Variants in ADD2 observed in about 807,000 individuals in gnomAD.
ADD2 encodes the protein adducin 2, also known as beta-adducin.
In ADD2, 23 loss-of-function variants were observed where a neutral mutation model predicts 83.0. The ratio of observed to expected loss-of-function variants is 0.28; its 90% CI spans 0.20 to 0.39. The LOEUF is 0.39. ADD2 is among the 10% of genes least tolerant of loss of function. The pLI is 1.00. For synonymous variants in ADD2, 375 were observed against 375.4 expected (o/e 1.00, Z 0.01); for missense variants, 758 against 944.9 (o/e 0.80, Z 2.59).
rs1553368463 is a variant in ADD2, at chr2:70,676,900, G to T, written c.1504-15C>A. ...TGTTCTCGAATCTGTGTGGAAAGGG[G>T]AGAGGAAGAGTGAGCTGGCTGTTCA... is the stretch of plus-strand genomic sequence containing the variant. On this transcript the variant is annotated splice_polypyrimidine_tract_variant and intron_variant, in intron 12 of 15. Transcript: ENST00000264436. The surrounding 1 kb of genome is among the most constrained non-coding windows in gnomAD (Gnocchi z 4.8). The T allele has an allele frequency of 1.2e-6, 2 of 1,609,276 alleles. No homozygotes were observed. Among genetic ancestry groups the T allele is most frequent in the East Asian group, 2.2e-5 (1 of 44,748 alleles).
At chr2:70,728,720 A>G (rs1574296609) in intron 1 of ADD2, among the ~76,000 whole-genome samples, 1 of 152,180 alleles carries the variant, frequency 6.6e-6, no homozygotes, top group Non-Finnish European at 1.5e-5. Context: ...TGACGTCTGT[A>G]CCTTTGGGTC....
chr2:70,728,208 C>T (rs1355419457), intron 1 of ADD2, among the ~76,000 whole-genome samples: 1 of 152,216 alleles, frequency 6.6e-6, no homozygotes, highest in Non-Finnish European at 1.5e-5. Flanking sequence ...CACTGCAGTG[C>T]TCTCTGTCTG....
At chr2:70,730,710 C>A (rs1313505523) in intron 1 of ADD2, among the ~76,000 whole-genome samples, 1 of 152,180 alleles carries the variant, frequency 6.6e-6, no homozygotes, top group Non-Finnish European at 1.5e-5. Context: ...ATGATTTGGT[C>A]AATGACAGAC....
rs1553374644 is a variant in ADD2, at chr2:70,706,954, A to G, written c.-34-512T>C. 6.6e-6 allele frequency among the ~76,000 whole-genome samples: 1 copy of G among 152,186 alleles called. No homozygotes were observed. Among genetic ancestry groups the G allele is most frequent in the Non-Finnish European group, 1.5e-5 (1 of 68,034 alleles). ...AAACCACCATGGCACACATTTACCT[A>G]TGTAACAAACCTGCACATCCTGCAC... is the stretch of plus-strand genomic sequence containing the variant. On this transcript the variant is annotated intron_variant, in intron 2 of 15. Coordinates refer to ENST00000264436, the MANE Select transcript of ADD2 (RefSeq NM_001617.4). This position sits in a 1 kb window ranked among gnomAD's most constrained non-coding sequence, Gnocchi z 5.0.
intron 1 of ADD2, among the ~76,000 whole-genome samples, chr2:70,731,594 G>A (rs1191210798): frequency 2.0e-5 from 3 of 152,158 alleles, no homozygotes; most frequent in Admixed American, 6.5e-5. Flanking sequence ...AGCAGGAATT[G>A]GTTCGGTGCA....
At position 70,676,525 on chromosome 2, in the gene ADD2, G is replaced by A. The variant is rs1040664433; in HGVS notation, c.1593+271C>T. ...AGGACAGAGTGGAGTTCCATGGCAG[G>A]AGGTACGGAAGCCGGCCGCATCACT... On this transcript the variant is annotated intron_variant, in intron 13 of 15. Transcript: ENST00000264436. This position sits in a 1 kb window ranked among gnomAD's most constrained non-coding sequence, Gnocchi z 4.8. 75 of 1,384,170 alleles carry A rather than the reference G, an allele frequency of 5.4e-5. No homozygotes were observed. The highest frequency in any genetic ancestry group is 1.2e-4 in the Admixed American group (4 of 32,608). 85.7% of individuals were successfully genotyped at this position (1,384,170 alleles called of 1,614,324 possible). A position where few individuals can be genotyped will look rare whatever the true frequency, so the allele number is the denominator to read the frequency against.
chr2:70,745,185 C>G (rs1553381789), intron 1 of ADD2, among the ~76,000 whole-genome samples: 2 of 152,048 alleles, frequency 1.3e-5, no homozygotes, highest in Non-Finnish European at 2.9e-5. Context: ...ACTCGGGAAG[C>G]TGAGGCAGGA....
At chr2:70,733,750 A>G (rs934521932) in intron 1 of ADD2, among the ~76,000 whole-genome samples, 1 of 152,226 alleles carries the variant, frequency 6.6e-6, no homozygotes, top group Non-Finnish European at 1.5e-5. Context: ...TGGATTCCCA[A>G]TTTACAGATT....
At chr2:70,760,633 CA>C (rs1243669724) in intron 1 of ADD2, 2 of 152,106 alleles carry the variant, frequency 1.3e-5, no homozygotes, top group African/African-American at 2.4e-5. Context: ...TTGTTACCTC[CA>C]GGGGGAAGCA....
intron 1 of ADD2, among the ~76,000 whole-genome samples, chr2:70,715,547 C>A (rs1459016742): frequency 3.3e-5 from 5 of 152,164 alleles, no homozygotes; most frequent in African/African-American, 7.2e-5. Context: ...GAGCCACCTG[C>A]CCCCTGCTCT....
At chr2:70,704,263 T>TGCCCCCCCCCCCCCAC in intron 4 of ADD2, 58 bp downstream of exon 4, 1 of 913,238 alleles carries the variant, frequency 1.1e-6, no homozygotes, top group Non-Finnish European at 1.7e-6. Flanking sequence ...CTCCCTCTCT[T>TGCCCCCCCCCCCCCAC]CCCCACCCCA....
At chr2:70,704,143 A>T (rs993812541) in intron 4 of ADD2, among the ~76,000 whole-genome samples, 178 bp downstream of exon 4, 7 of 152,142 alleles carry the variant, frequency 4.6e-5, no homozygotes, top group African/African-American at 1.7e-4. Context: ...TTGCAGCAAC[A>T]TCAGAAGCAG....
intron 13 of ADD2, chr2:70,675,779 G>C: frequency 1.0e-6 from 1 of 985,438 alleles, no homozygotes; most frequent in Non-Finnish European, 1.2e-6. Flanking sequence ...AGTCAACCGA[G>C]AATCCAAGAC....
rs1286953640 is a variant in ADD2 at position 70,676,093 on chromosome 2, A to C, written c.1593+703T>G. ...ATCACAATTTGCCCTGCAGAGAGGA[A>C]CATTTCCTGTATTTCCCCAATTTTT... On this transcript the variant is annotated intron_variant, in intron 13 of 15. Coordinates refer to ENST00000264436, the MANE Select transcript of ADD2 (RefSeq NM_001617.4). This position sits in a 1 kb window ranked among gnomAD's most constrained non-coding sequence, Gnocchi z 4.8. 2 of 985,310 alleles carry C rather than the reference A, an allele frequency of 2.0e-6. No individual in the cohort carries two copies. Among genetic ancestry groups the C allele is most frequent in the African/African-American group, 3.5e-5 (2 of 57,234 alleles). The allele number at this position is 985,310 out of a possible 1,614,324, so 61.0% of individuals were successfully genotyped here.
chr2:70,689,714 G>A (rs141765154), intron 8 of ADD2, among the ~76,000 whole-genome samples: 2 of 152,336 alleles, frequency 1.3e-5, no homozygotes, highest in Admixed American at 6.5e-5. Flanking sequence ...CAGCGGCAAA[G>A]CATCCATCAA....
intron 1 of ADD2, among the ~76,000 whole-genome samples, chr2:70,716,472 G>A (rs575731681): frequency 6.6e-6 from 1 of 151,930 alleles, no homozygotes; most frequent in Non-Finnish European, 1.5e-5. Context: ...CTACACCCCC[G>A]CCCTGGGCTT....
chr2:70,664,794 TGTAA>T (rs563996325), intron 15 of ADD2, among the ~76,000 whole-genome samples: 80 of 151,736 alleles, frequency 5.3e-4, no homozygotes, highest in African/African-American at 1.5e-3. Context: ...TTGTGTGTGG[TGTAA>T]GTGTGTAAGT....
At chr2:70,735,657 C>T (rs1673509065) in intron 1 of ADD2, among the ~76,000 whole-genome samples, 1 of 151,796 alleles carries the variant, frequency 6.6e-6, no homozygotes, top group South Asian at 2.1e-4. Flanking sequence ...TTCCTTGATC[C>T]CCACACCCAT....
intron 1 of ADD2, 175 bp downstream of exon 1, chr2:70,767,711 C>A: frequency 7.0e-7 from 1 of 1,424,746 alleles, no homozygotes; most frequent in Non-Finnish European, 9.1e-7. Context: ...TCACCAGAAA[C>A]CTTTAGGCGC....
Sources: gnomAD v4.1 joint callset for allele counts (sites outside exome capture counted in the v4.1 genomes callset) on GRCh38, gnomAD v4.1.1 for gene constraint, Gnocchi (gnomAD v3.1) non-coding constraint, MANE v1.5 for transcripts, NCBI Gene and HGNC (gene_info 2026-07-23, HGNC 2026-07-21) for gene names.